Variants in ADAMTS6 observed in about 807,000 individuals in gnomAD.
The protein encoded by ADAMTS6 is ADAM metallopeptidase with thrombospondin type 1 motif 6.
Under a neutral mutation model 144.3 loss-of-function variants are expected in ADAMTS6, and 23 were observed. The ratio of observed to expected loss-of-function variants is 0.16; its 90% CI spans 0.11 to 0.23. ADAMTS6 has a LOEUF of 0.23. Ranked by LOEUF, ADAMTS6 falls within the 10% of genes least tolerant of loss-of-function variation. The pLI is 1.00. For missense variants in ADAMTS6, 999 were observed against 1,379.6 expected (o/e 0.72, Z 4.37); for synonymous variants, 444 against 457.5 (o/e 0.97, Z 0.38).
chr5:65,272,623 C>A (rs892861980), intron 12 of ADAMTS6, among the ~76,000 whole-genome samples: 1 of 152,054 alleles, frequency 6.6e-6, no homozygotes, highest in Admixed American at 6.6e-5. Flanking sequence ...ATACTGCAAT[C>A]TAAAAGTGAC....
chr5:65,223,194 G>C (rs1433562051), intron 18 of ADAMTS6, among the ~76,000 whole-genome samples: 1 of 151,844 alleles, frequency 6.6e-6, no homozygotes, highest in South Asian at 2.1e-4. Context: ...TTTTTTTCCA[G>C]CTTTGTTGAG....
At chr5:65,442,482 A>G (rs1174930240) in intron 7 of ADAMTS6, among the ~76,000 whole-genome samples, 1 of 152,166 alleles carries the variant, frequency 6.6e-6, no homozygotes, top group African/African-American at 2.4e-5. Context: ...GGAGGAAATA[A>G]TATCAATTCT....
intron 7 of ADAMTS6, among the ~76,000 whole-genome samples, chr5:65,397,517 C>A (rs1753445836): frequency 6.6e-6 from 1 of 151,978 alleles, no homozygotes. Context: ...GTTTTCATTT[C>A]ATTTAGTTCA....
rs1166620472 is a variant in ADAMTS6 at position 65,149,276 on chromosome 5, T to C, written c.*2560A>G. 6.6e-6 allele frequency: 1 copy of C among 152,236 alleles called. No individual in the cohort carries two copies. Among genetic ancestry groups the C allele is most frequent in the Admixed American group, 6.5e-5 (1 of 15,286 alleles). 9.4% of individuals were successfully genotyped at this position (152,236 alleles called of 1,614,324 possible). A position where few individuals can be genotyped will look rare whatever the true frequency, so the allele number is the denominator to read the frequency against. On this transcript the variant is annotated 3_prime_UTR_variant, in exon 25 of 25. Coordinates refer to ENST00000381055, the MANE Select transcript of ADAMTS6 (RefSeq NM_197941.4). ...CAGCCTCCACTGACAATGCTATTGT[T>C]ATTATTTAGGAATAGGGCATCATGT...
chr5:65,208,192 CA>C, intron 20 of ADAMTS6, among the ~76,000 whole-genome samples: 1 of 152,282 alleles, frequency 6.6e-6, no homozygotes, highest in East Asian at 1.9e-4. Flanking sequence ...GAGGTACTTG[CA>C]TCTGAATGTT....
At chr5:65,155,561 TA>T (rs1222674116) in intron 24 of ADAMTS6, among the ~76,000 whole-genome samples, 3 of 152,186 alleles carry the variant, frequency 2.0e-5, no homozygotes, top group Non-Finnish European at 4.4e-5. Context: ...CACCTTTGTA[TA>T]TGTAGTCTGT....
chr5:65,291,307 C>G (rs970938135), intron 11 of ADAMTS6, 22 bp downstream of exon 11: 2 of 1,597,006 alleles, frequency 1.3e-6, no homozygotes, highest in Non-Finnish European at 8.5e-7. Context: ...AATGACGAAA[C>G]ATAAGGATGA....
At chr5:65,371,776 C>T (rs1418362423) in intron 7 of ADAMTS6, among the ~76,000 whole-genome samples, 1 of 152,100 alleles carries the variant, frequency 6.6e-6, no homozygotes, top group Non-Finnish European at 1.5e-5. Flanking sequence ...GAAAATGCCA[C>T]AAAGATACTC....
intron 8 of ADAMTS6, among the ~76,000 whole-genome samples, chr5:65,332,986 A>C (rs1368505069): frequency 2.6e-5 from 4 of 152,152 alleles, no homozygotes; most frequent in Non-Finnish European, 5.9e-5. Flanking sequence ...AAAATTATCA[A>C]GAGAAATTTT....
At chr5:65,417,255 A>T (rs1755616181) in intron 7 of ADAMTS6, among the ~76,000 whole-genome samples, 1 of 152,228 alleles carries the variant, frequency 6.6e-6, no homozygotes, top group South Asian at 2.1e-4. Context: ...ATCTATGACA[A>T]ACCCACAGCC....
At chr5:65,382,925 C>G (rs1345821104) in intron 7 of ADAMTS6, among the ~76,000 whole-genome samples, 2 of 152,160 alleles carry the variant, frequency 1.3e-5, no homozygotes, top group Non-Finnish European at 2.9e-5. Flanking sequence ...GGTCAAGGCA[C>G]AAGCAGATTC....
At position 65,458,774 on chromosome 5, in the gene ADAMTS6, T is replaced by G. The variant is rs147903532; in HGVS notation, c.631+1396A>C. ...TTTACCTTTGCATTAAGCTGAAATC[T>G]CTCTGAAACATTCTGCCCCTGGTTC... On this transcript the variant is annotated intron_variant, in intron 4 of 24. Transcript: ENST00000381055. Among the ~76,000 whole-genome samples, 368 of 152,298 alleles carry G rather than the reference T, an allele frequency of 2.4e-3. 1 individual carries two copies. The highest frequency in any genetic ancestry group is 8.2e-3 in the African/African-American group (342 of 41,566).
chr5:65,230,302 A>ATATGAAATATATATATAATACAT lies in ADAMTS6; in HGVS notation c.1934-4084_1934-4083insATGTATTATATATATATTTCATA, dbSNP rs1561304657. Reference sequence around the variant, plus strand: ...ATACCTAAAGCATATATATATATATATATATATATGAAATATATATAATAC... The same window carrying ATATGAAATATATATATAATACAT: ...ATACCTAAAGCATATATATATATATATATGAAATATATATATAATACATTATATATATGAAATATATATAATAC... On this transcript the variant is annotated intron_variant, in intron 15 of 24. Coordinates refer to ENST00000381055, the MANE Select transcript of ADAMTS6 (RefSeq NM_197941.4). 4.2e-4 allele frequency among the ~76,000 whole-genome samples: 34 copies of ATATGAAATATATATATAATACAT among 80,110 alleles called. 8 individuals are homozygous for ATATGAAATATATATATAATACAT. Among genetic ancestry groups the ATATGAAATATATATATAATACAT allele is most frequent in the South Asian group, 7.0e-4 (2 of 2,864 alleles). 52.6% of individuals were successfully genotyped at this position (80,110 alleles called of 152,430 possible). A position where few individuals can be genotyped will look rare whatever the true frequency, so the allele number is the denominator to read the frequency against.
chr5:65,456,191 T>G (rs1411999481), intron 4 of ADAMTS6, among the ~76,000 whole-genome samples: 1 of 152,128 alleles, frequency 6.6e-6, no homozygotes, highest in Non-Finnish European at 1.5e-5. Context: ...TAATGATCTG[T>G]AACTACTATC....
intron 7 of ADAMTS6, among the ~76,000 whole-genome samples, chr5:65,394,388 C>T (rs776860119): frequency 4.6e-5 from 7 of 152,218 alleles, no homozygotes; most frequent in Non-Finnish European, 1.5e-5. Context: ...CATTAGAGAC[C>T]TAGCCAGAAC....
At chr5:65,402,934 TG>T (rs1008999127) in intron 7 of ADAMTS6, among the ~76,000 whole-genome samples, 1 of 152,076 alleles carries the variant, frequency 6.6e-6, no homozygotes, top group African/African-American at 2.4e-5. Flanking sequence ...TTGAATAAGT[TG>T]TGTATATGCA....
At chr5:65,376,549 A>G (rs1751570681) in intron 7 of ADAMTS6, among the ~76,000 whole-genome samples, 2 of 152,158 alleles carry the variant, frequency 1.3e-5, no homozygotes, top group Admixed American at 1.3e-4. Context: ...ACAGCTTTAC[A>G]GGCCCGGCAT....
At chr5:65,465,249 C>T (rs557507992) in intron 3 of ADAMTS6, among the ~76,000 whole-genome samples, 107 of 152,258 alleles carry the variant, frequency 7.0e-4, no homozygotes, top group African/African-American at 1.9e-3. Flanking sequence ...TATTCCCCTC[C>T]GATAGACATT....
intron 7 of ADAMTS6, among the ~76,000 whole-genome samples, chr5:65,416,691 A>G (rs1347710098): frequency 2.7e-5 from 4 of 150,908 alleles, no homozygotes; most frequent in African/African-American, 7.3e-5. Context: ...CAGTGAGCGG[A>G]GATCACAGAG....
Sources: gnomAD v4.1 joint callset for allele counts (sites outside exome capture counted in the v4.1 genomes callset) on GRCh38, gnomAD v4.1.1 for gene constraint, MANE v1.5 for transcripts, NCBI Gene and HGNC (gene_info 2026-07-23, HGNC 2026-07-21) for gene names.